ARID4B: variants seen among roughly 807,000 people sequenced by gnomAD.
ARID4B encodes AT-rich interactive domain-containing protein 4B.
A neutral mutation model predicts 147.5 loss-of-function variants in ARID4B; 26 were observed. The observed-to-expected ratio is 0.18, with a 90% CI of 0.13 to 0.24. ARID4B has a LOEUF of 0.24. Among genes scored for constraint, ARID4B ranks in the 10% least tolerant of loss-of-function variants. The pLI is 1.00. For missense variants in ARID4B, 1,179 were observed against 1,511.5 expected (o/e 0.78, Z 3.65); for synonymous variants, 512 against 507.9 (o/e 1.01, Z -0.11).
chr1:235,172,795 T>A, intron 22 of ARID4B, 31 bp from the exon 23 acceptor site: 1 of 1,484,770 alleles, frequency 6.7e-7, no homozygotes. Flanking sequence ...TTAACAGACA[T>A]TTTTAAAGAA....
At chr1:235,177,741 G>C in intron 21 of ARID4B, 59 bp downstream of exon 21, 1 of 1,148,016 alleles carries the variant, frequency 8.7e-7, no homozygotes, top group South Asian at 1.4e-5. Flanking sequence ...TTTTCTTACT[G>C]GGGGTAAAAT....
chr1:235,232,591 G>A (rs1011553096), intron 9 of ARID4B, among the ~76,000 whole-genome samples: 4 of 150,236 alleles, frequency 2.7e-5, no homozygotes, highest in Admixed American at 6.6e-5. Flanking sequence ...AAAATTTGCC[G>A]AGCGTGGTGG....
intron 2 of ARID4B, among the ~76,000 whole-genome samples, 181 bp from the exon 3 acceptor site, chr1:235,260,933 A>G (rs1670255209): frequency 6.6e-6 from 1 of 152,234 alleles, no homozygotes; most frequent in Admixed American, 6.5e-5. Context: ...TATCATAAAG[A>G]CTATTTAAAT....
chr1:235,211,038 A>G (rs960477697), intron 17 of ARID4B, among the ~76,000 whole-genome samples: 2 of 152,190 alleles, frequency 1.3e-5, no homozygotes, highest in Non-Finnish European at 2.9e-5. Context: ...GCCAATTAAT[A>G]GAAAATAAGC....
intron 2 of ARID4B, among the ~76,000 whole-genome samples, chr1:235,275,731 C>T (rs1292252881): frequency 1.3e-5 from 2 of 152,220 alleles, no homozygotes; most frequent in Non-Finnish European, 2.9e-5. Flanking sequence ...TACAATTCCA[C>T]AAACATTAAT....
intron 19 of ARID4B, among the ~76,000 whole-genome samples, chr1:235,183,060 C>A (rs1664428980): frequency 1.3e-5 from 2 of 151,746 alleles, no homozygotes; most frequent in Non-Finnish European, 2.9e-5. Context: ...TAAAAGTCAT[C>A]ACTTTTATGT....
Position 235,229,353 on chromosome 1 carries a change from T to C in ARID4B, c.775A>G (p.Arg259Gly), listed in dbSNP as rs1668055960. The C allele has an allele frequency of 6.2e-7, 1 of 1,613,574 alleles. No individual in the cohort carries two copies. Among genetic ancestry groups the C allele is most frequent in the African/African-American group, 1.3e-5 (1 of 74,922 alleles). The change falls in exon 11 of 24, where the codon AGA (arginine) becomes GGA (glycine). Residue 259 changes from arginine to glycine, a missense_variant. Coordinates refer to ENST00000264183, the MANE Select transcript of ARID4B (RefSeq NM_016374.6). ...GTCTTCCAGTTAGCAGGAATAGTTC[T>C]ACTTTTGTGAAATTCAAGTGCCTGT... ...FEQALEFHKS[R>G]TIPANWKTEL...
intron 20 of ARID4B, among the ~76,000 whole-genome samples, chr1:235,179,059 A>G (rs1373569728): frequency 6.6e-6 from 1 of 152,216 alleles, no homozygotes; most frequent in Non-Finnish European, 1.5e-5. Flanking sequence ...TCTCCAAGAG[A>G]GTTTAATTCT....
intron 2 of ARID4B, among the ~76,000 whole-genome samples, chr1:235,320,503 C>T (rs1674746238): frequency 2.0e-5 from 3 of 152,208 alleles, no homozygotes; most frequent in African/African-American, 7.2e-5. Flanking sequence ...CCTACTTCCA[C>T]TCTTGTGTTC....
intron 2 of ARID4B, among the ~76,000 whole-genome samples, chr1:235,319,715 A>G (rs1674690951): frequency 6.6e-6 from 1 of 152,086 alleles, no homozygotes; most frequent in Non-Finnish European, 1.5e-5. Flanking sequence ...TTTTTAAAAA[A>G]AGGGAGGACG....
At chr1:235,266,377 G>A (rs3856241) in intron 2 of ARID4B, among the ~76,000 whole-genome samples, 70,800 of 151,880 alleles carry the variant, frequency 0.47, 16,852 homozygotes, top group South Asian at 0.6. Context: ...ATTCTGATCA[G>A]TAGTATGGAT....
chr1:235,250,132 A>G (rs1181565720), intron 6 of ARID4B, among the ~76,000 whole-genome samples: 1 of 151,850 alleles, frequency 6.6e-6, no homozygotes, highest in African/African-American at 2.4e-5. Flanking sequence ...TAATAATAAA[A>G]TAAAATAAAA....
chr1:235,235,637 G>C (rs1280342330), intron 8 of ARID4B, among the ~76,000 whole-genome samples: 1 of 152,054 alleles, frequency 6.6e-6, no homozygotes, highest in Non-Finnish European at 1.5e-5. Context: ...AAGGAGATGA[G>C]ATCACCGTAA....
chr1:235,260,803 A>T (rs1412804690), intron 2 of ARID4B, 51 bp from the exon 3 acceptor site: 4 of 1,292,118 alleles, frequency 3.1e-6, no homozygotes, highest in Non-Finnish European at 4.4e-6. Flanking sequence ...ATTCTTTCCC[A>T]TAATCAGACC....
At position 235,269,634 on chromosome 1, in the gene ARID4B, A is replaced by G. The variant is rs149542795; in HGVS notation, c.7-8882T>C. Among the ~76,000 whole-genome samples the G allele has an allele frequency of 6.0e-4, 92 of 152,326 alleles. 2 individuals are homozygous for G. In the East Asian group the frequency reaches 0.018, roughly 29 times the overall value. On this transcript the variant is annotated intron_variant, in intron 2 of 23. Transcript: ENST00000264183. ...GTACACATATATGTATACAATATAT[A>G]TGTGTATATATACACACATATATAT...
intron 19 of ARID4B, among the ~76,000 whole-genome samples, chr1:235,191,475 C>T (rs1665110751): frequency 6.6e-6 from 1 of 151,872 alleles, no homozygotes; most frequent in African/African-American, 2.4e-5. Flanking sequence ...AGGCTGGTCT[C>T]AAACTCCTGA....
chr1:235,310,407 C>A (rs1000434779), intron 2 of ARID4B, among the ~76,000 whole-genome samples: 4 of 152,096 alleles, frequency 2.6e-5, no homozygotes, highest in African/African-American at 9.7e-5. Flanking sequence ...AACAAAAGAA[C>A]AGGCTCTGTG....
At chr1:235,289,864 A>G (rs1424383139) in intron 2 of ARID4B, among the ~76,000 whole-genome samples, 1 of 152,146 alleles carries the variant, frequency 6.6e-6, no homozygotes, top group African/African-American at 2.4e-5. Flanking sequence ...TGTAAAACCT[A>G]CTAAATAAAA....
rs866621130 is a variant in ARID4B, at chr1:235,181,678, G to C, written c.3241C>G (p.Leu1081Val). The C allele has an allele frequency of 4.3e-6, 7 of 1,614,052 alleles. No homozygotes were observed. The highest frequency in any genetic ancestry group is 5.9e-6 in the Non-Finnish European group (7 of 1,180,018). Residue 1081 changes from leucine to valine, a missense_variant, in exon 20 of 24, where the codon CTC (leucine) becomes GTC (valine). Physicochemically the swap from Leu to Val is conservative, Grantham distance 32 (BLOSUM62 1). Coordinates refer to ENST00000264183, the MANE Select transcript of ARID4B (RefSeq NM_016374.6). ...GGCGAGCTATTCCCTTCAGACTGGAGGTCTTGGAGCTCCCCAGCAACACTA... is the reference window on the plus strand; with the variant it reads ...GGCGAGCTATTCCCTTCAGACTGGACGTCTTGGAGCTCCCCAGCAACACTA... The part of the protein sequence containing the change: ...VDSVAGELQD[L>V]QSEGNSSPAG...
Sources: gnomAD v4.1 joint callset for allele counts (sites outside exome capture counted in the v4.1 genomes callset) on GRCh38, gnomAD v4.1.1 for gene constraint, MANE v1.5 for transcripts, NCBI Gene and HGNC (gene_info 2026-07-23, HGNC 2026-07-21) for gene names.